Variants in KCNMB2 observed in about 807,000 individuals in gnomAD.
The protein encoded by KCNMB2 is potassium calcium-activated channel subfamily M regulatory beta subunit 2, also known as calcium-activated potassium channel subunit beta-2.
Under a neutral mutation model 24.5 loss-of-function variants are expected in KCNMB2, and 9 were observed. That is an observed-to-expected ratio of 0.37 (90% CI 0.22 to 0.64). KCNMB2 has a LOEUF of 0.64. Among genes scored for constraint, KCNMB2 ranks in the 30% least tolerant of loss-of-function variants. The pLI is 0.63. For synonymous variants in KCNMB2, 109 were observed against 104.4 expected (o/e 1.04, Z -0.27); for missense variants, 226 against 284.3 (o/e 0.79, Z 1.47).
intron 1 of KCNMB2, among the ~76,000 whole-genome samples, chr3:178,805,736 C>G (rs1577202240): frequency 6.6e-6 from 1 of 151,954 alleles, no homozygotes; most frequent in African/African-American, 2.4e-5. Context: ...CTAAAGCTAT[C>G]CTCCCACCTT....
At chr3:178,623,293 T>C (rs1718986832) in intron 1 of KCNMB2, among the ~76,000 whole-genome samples, 1 of 152,228 alleles carries the variant, frequency 6.6e-6, no homozygotes, top group African/African-American at 2.4e-5. Flanking sequence ...AATCTCAGTG[T>C]CAGAGTTTGT....
At chr3:178,671,283 G>A (rs964127622) in intron 1 of KCNMB2, among the ~76,000 whole-genome samples, 1 of 152,134 alleles carries the variant, frequency 6.6e-6, no homozygotes, top group Non-Finnish European at 1.5e-5. Flanking sequence ...CCAATTCAGG[G>A]ATAATTCCAC....
intron 1 of KCNMB2, among the ~76,000 whole-genome samples, chr3:178,572,524 A>C (rs1165441016): frequency 6.6e-6 from 1 of 152,220 alleles, no homozygotes; most frequent in Non-Finnish European, 1.5e-5. Flanking sequence ...AGTAATAACA[A>C]AGGAAATGTA....
In KCNMB2 at chr3:178,644,122, C is replaced by T. The variant is rs113639840; in HGVS notation, c.-68+107411C>T. 1.4e-3 allele frequency among the ~76,000 whole-genome samples: 207 copies of T among 152,302 alleles called. 1 individual carries two copies. The highest frequency in any genetic ancestry group is 4.1e-3 in the African/African-American group (171 of 41,568). On this transcript the variant is annotated intron_variant, in intron 1 of 4. Coordinates refer to ENST00000452583, the MANE Select transcript of KCNMB2 (RefSeq NM_181361.3). ...ATCTGAAAGAAATGATAATACCCTC[C>T]GAGCAAGGCAAAAACAAAGTACTCC... is the stretch of plus-strand genomic sequence containing the variant.
chr3:178,661,704 G>T (rs550163801), intron 1 of KCNMB2, among the ~76,000 whole-genome samples: 1 of 152,238 alleles, frequency 6.6e-6, no homozygotes, highest in South Asian at 2.1e-4. Flanking sequence ...GAATTACTTG[G>T]AAGCTTGCCG....
intron 1 of KCNMB2, among the ~76,000 whole-genome samples, chr3:178,703,135 G>A (rs1722159075): frequency 6.6e-6 from 1 of 152,068 alleles, no homozygotes; most frequent in Admixed American, 6.6e-5. Context: ...TAAACAAAAA[G>A]GAGAGAGATG....
intron 1 of KCNMB2, among the ~76,000 whole-genome samples, chr3:178,751,230 C>T (rs1317532768): frequency 1.3e-5 from 2 of 151,996 alleles, no homozygotes. Context: ...TAAAGGTATA[C>T]AAAGAAATAG....
chr3:178,707,829 C>CTTCA (rs1428085620), intron 1 of KCNMB2, among the ~76,000 whole-genome samples: 1 of 152,148 alleles, frequency 6.6e-6, no homozygotes, highest in Non-Finnish European at 1.5e-5. Flanking sequence ...GAAAACAAAA[C>CTTCA]TTCAGCTCAG....
chr3:178,627,980 G>A (rs578210866), intron 1 of KCNMB2, among the ~76,000 whole-genome samples: 1 of 152,226 alleles, frequency 6.6e-6, no homozygotes, highest in South Asian at 2.1e-4. Flanking sequence ...TGAATTTCCT[G>A]GCTAATGACA....
At chr3:178,719,629 C>G (rs894026364) in intron 1 of KCNMB2, among the ~76,000 whole-genome samples, 2 of 152,138 alleles carry the variant, frequency 1.3e-5, no homozygotes, top group Non-Finnish European at 2.9e-5. Flanking sequence ...TTTATGTTCT[C>G]TCCTGTCCCA....
intron 1 of KCNMB2, among the ~76,000 whole-genome samples, chr3:178,613,149 G>A (rs1223552250): frequency 1.3e-5 from 2 of 152,182 alleles, no homozygotes; most frequent in African/African-American, 4.8e-5. Flanking sequence ...TGTAATCCCG[G>A]CACTTTGGGT....
chr3:178,595,404 C>G (rs1234430350), intron 1 of KCNMB2, among the ~76,000 whole-genome samples: 2 of 152,014 alleles, frequency 1.3e-5, no homozygotes, highest in Non-Finnish European at 2.9e-5. Flanking sequence ...CTGAAAAGCC[C>G]GAGGTCCTGC....
At chr3:178,618,473 T>C (rs561953218) in intron 1 of KCNMB2, among the ~76,000 whole-genome samples, 1 of 152,302 alleles carries the variant, frequency 6.6e-6, no homozygotes, top group South Asian at 2.1e-4. Context: ...ACCAGATACA[T>C]AGCAAGAGCT....
intron 1 of KCNMB2, among the ~76,000 whole-genome samples, chr3:178,681,414 C>A (rs544151993): frequency 3.3e-5 from 5 of 152,182 alleles, no homozygotes; most frequent in Admixed American, 1.3e-4. Flanking sequence ...AATGGCCCCC[C>A]AAAAAACAAT....
chr3:178,759,582 T>G (rs1462441272), intron 1 of KCNMB2, among the ~76,000 whole-genome samples: 1 of 130,254 alleles, frequency 7.7e-6, no homozygotes, highest in African/African-American at 3.0e-5. Flanking sequence ...CGAGGATATA[T>G]ATACATATAT....
At chr3:178,670,273 T>C (rs1256070974) in intron 1 of KCNMB2, among the ~76,000 whole-genome samples, 1 of 152,102 alleles carries the variant, frequency 6.6e-6, no homozygotes, top group Non-Finnish European at 1.5e-5. Flanking sequence ...GGCTGGCCTG[T>C]GCACTGTAGG....
rs748718702 is a variant in KCNMB2, at chr3:178,843,190, T to C, written c.*253T>C. 31 of 567,156 alleles carry C rather than the reference T, an allele frequency of 5.5e-5. No individual in the cohort carries two copies. Among genetic ancestry groups the C allele is most frequent in the Non-Finnish European group, 8.3e-5 (25 of 299,468 alleles). The allele number at this position is 567,156 out of a possible 1,614,324, so 35.1% of individuals were successfully genotyped here. A position where few individuals can be genotyped will look rare whatever the true frequency, so the allele number is the denominator to read the frequency against. On this transcript the variant is annotated 3_prime_UTR_variant, in exon 5 of 5. Coordinates refer to ENST00000452583, the MANE Select transcript of KCNMB2 (RefSeq NM_181361.3). ...TTCTGTACTGGAACTAGTACTTTCT[T>C]CTCTCATTCCGCCAAAACAGGGCTC...
In KCNMB2 at chr3:178,741,409, CTT is replaced by C. The variant is rs1048238201; in HGVS notation, c.-67-65933_-67-65932del. On this transcript the variant is annotated intron_variant, in intron 1 of 4. Coordinates refer to ENST00000452583, the MANE Select transcript of KCNMB2 (RefSeq NM_181361.3). ...CTCCTAGAAGGAAGGGAAAATATCT[CTT>C]GTTTTTCTTTTTTCCACTGGCTTTA... Among the ~76,000 whole-genome samples the C allele has an allele frequency of 1.6e-4, 24 of 152,270 alleles. No homozygotes were observed. In the South Asian group the frequency reaches 1.7e-3, roughly 11 times the overall value.
intron 2 of KCNMB2, 46 bp from the exon 3 acceptor site, chr3:178,825,542 C>T (rs1231290284): frequency 6.5e-7 from 1 of 1,528,458 alleles, no homozygotes; most frequent in East Asian, 2.3e-5. Flanking sequence ...TAGGGGCATG[C>T]TGATTAACTA....
Sources: gnomAD v4.1 joint callset for allele counts (sites outside exome capture counted in the v4.1 genomes callset) on GRCh38, gnomAD v4.1.1 for gene constraint, MANE v1.5 for transcripts, NCBI Gene and HGNC (gene_info 2026-07-23, HGNC 2026-07-21) for gene names.